The following DNAH17 variants were observed in gnomAD, a reference collection of about 807,000 sequenced individuals.
DNAH17 encodes axonemal beta dynein heavy chain 17.
A neutral mutation model predicts 485.6 loss-of-function variants in DNAH17; 376 were observed. That is an observed-to-expected ratio of 0.77 (90% confidence interval 0.71 to 0.84). The LOEUF (loss-of-function observed/expected upper bound fraction) is 0.84. Among genes scored for constraint, DNAH17 ranks in the 40% least tolerant of loss-of-function variants. DNAH17 has a pLI of 0.00. For missense variants in DNAH17, 6,370 were observed against 5,839.3 expected, an observed-to-expected ratio of 1.09 and a Z score of -2.96; for synonymous variants, 3,031 against 2,405.9, an observed-to-expected ratio of 1.26 and a Z score of -7.60.
chr17:78,462,715 C>T (rs904308425), intron 57 of DNAH17, 129 bp downstream of exon 57: 28 of 820,716 alleles, frequency 3.4e-5, no homozygotes, highest in African/African-American at 5.2e-5. Flanking sequence ...AGGCAGGAAG[C>T]GTGCTCATCT....
In DNAH17 at chr17:78,540,092, T is replaced by C. The variant is rs73385390; in HGVS notation, c.2533-212A>G. Among the ~76,000 whole-genome samples the C allele has an allele frequency of 5.3e-3, 804 of 152,218 alleles. 12 individuals are homozygous for C. Among genetic ancestry groups the C allele is most frequent in the African/African-American group, 0.018 (753 of 41,540 alleles). On this transcript the variant is annotated intron_variant, in intron 17 of 80. Coordinates refer to ENST00000389840, the MANE Select transcript of DNAH17 (RefSeq NM_173628.4). ...CTTGCTGGGTCTGGCTTCCAATCTT[T>C]TTGATTTCAGCTCAAATGTCCCTTC...
intron 55 of DNAH17, 81 bp from the exon 56 acceptor site, chr17:78,466,897 C>T (rs2088494342): frequency 2.5e-5 from 35 of 1,407,852 alleles, no homozygotes; most frequent in Non-Finnish European, 2.7e-5. Flanking sequence ...GAAAGCTCTG[C>T]CAGAAAGCAA....
Position 78,566,654 on chromosome 17 carries a change from T to C in DNAH17, c.1529A>G (p.Gln510Arg), listed in dbSNP as rs577938013. Residue 510 changes from glutamine (Q) to arginine (R), a missense_variant, in exon 11 of 81, where the codon CAA becomes CGA. Gln to Arg is a conservative substitution (Grantham distance 43). Coordinates refer to ENST00000389840, the MANE Select transcript of DNAH17 (RefSeq NM_173628.4). The stretch of plus-strand genomic sequence containing the variant: ...GATACAGCTGCAGTCATCAAATCCT[T>C]GGCAAAAGATCGTGGCCAGCCTCCT... ...LDRRLATIFC[Q>R]GFDDCSCIKS... The C allele has an allele frequency of 5.9e-5, 95 of 1,611,008 alleles. No homozygotes were observed. The highest frequency in any genetic ancestry group is 7.6e-5 in the Non-Finnish European group (89 of 1,178,684).
At position 78,471,430 on chromosome 17, in the gene DNAH17, T is replaced by C. The variant is rs117296021; in HGVS notation, c.8512-2547A>G. ...GTAGTGTGAGAGCCAGCAATGACCT[T>C]GAGTCAAAGACGAATCACTCTTCTC... On this transcript the variant is annotated intron_variant, in intron 54 of 80. Coordinates refer to ENST00000389840, the MANE Select transcript of DNAH17 (RefSeq NM_173628.4). Among the ~76,000 whole-genome samples the C allele has an allele frequency of 7.6e-4, 116 of 152,338 alleles. 1 individual carries two copies. In the East Asian group the frequency reaches 0.02, roughly 27 times the overall value.
intron 35 of DNAH17, 22 bp from the exon 36 acceptor site, chr17:78,500,483 C>A: frequency 6.5e-7 from 1 of 1,544,132 alleles, no homozygotes; most frequent in East Asian, 2.3e-5. Flanking sequence ...CACAGGTAAG[C>A]GTGTGTGCCA....
In DNAH17 at chr17:78,424,091, C is replaced by G; in HGVS notation, c.13204G>C (p.Ala4402Pro). 6.2e-7 allele frequency: 1 copy of G among 1,613,932 alleles called. No individual in the cohort carries two copies. Among genetic ancestry groups the G allele is most frequent in the Non-Finnish European group, 8.5e-7 (1 of 1,179,878 alleles). ...AEARLKELTP[A>P]MPVIFIKAIP... is the part of the protein sequence containing the mutation. ...GCCTTGATGAAGATGACAGGCATGG[C>G]CGGGGTCAGCTCTTTCAGCCGCGCT... Residue 4402 changes from alanine to proline, a missense_variant, in exon 81 of 81, where the codon GCC (alanine) becomes CCC (proline). Transcript: ENST00000389840.
In DNAH17 at chr17:78,480,897, G is replaced by C. The variant is rs954126732; in HGVS notation, c.7650-111C>G. On this transcript the variant is annotated intron_variant, in intron 48 of 80. Transcript: ENST00000389840. ...CTTATTATTATTTTTTTGAGACAGA[G>C]TCTCGCTCTGTTGCCCAGGCTGGAG... 14 of 744,478 alleles carry C rather than the reference G, an allele frequency of 1.9e-5. No individual in the cohort carries two copies. In the African/African-American group the frequency reaches 2.1e-4, roughly 11 times the overall value. 46.1% of individuals were successfully genotyped at this position (744,478 alleles called of 1,614,324 possible).
intron 71 of DNAH17, among the ~76,000 whole-genome samples, chr17:78,444,290 G>A (rs767080966): frequency 1.3e-5 from 2 of 151,982 alleles, no homozygotes; most frequent in Non-Finnish European, 2.9e-5. Context: ...ATCATGTATC[G>A]CAGGGCACCC....
rs776576706 is a variant in DNAH17, at chr17:78,468,882, A to G, written c.8513T>C (p.Ile2838Thr). The change falls in exon 55 of 81, where the codon ATT becomes ACT. Residue 2838 changes from isoleucine to threonine, a missense_variant and splice_region_variant. By Grantham distance (89) the Ile-to-Thr change is moderately conservative (BLOSUM62 -1). Coordinates refer to ENST00000389840, the MANE Select transcript of DNAH17 (RefSeq NM_173628.4). ...CTTTATGTACTGAGCAGCGAGGTCA[A>G]TCTGGACGGAGTGAGGACACGCTTA... is the stretch of plus-strand genomic sequence containing the variant. ...KKGYGIPDLKIDLAAQYIKAA... is the reference protein window; with the variant it reads ...KKGYGIPDLKTDLAAQYIKAA... 19 of 1,612,296 alleles carry G rather than the reference A, an allele frequency of 1.2e-5. No homozygotes were observed. The Admixed American group carries it at 3.0e-4, about 25-fold the overall frequency.
rs764966144 is a variant in DNAH17, at chr17:78,557,772, T to C, written c.2178+336A>G. On this transcript the variant is annotated intron_variant, in intron 14 of 80. Coordinates refer to ENST00000389840, the MANE Select transcript of DNAH17 (RefSeq NM_173628.4). ...GAATAATGAAGACTGGCTTGAACCA[T>C]GTCTAAATATTAAAATACACACTAA... 2.0e-5 allele frequency among the ~76,000 whole-genome samples: 3 copies of C among 150,986 alleles called. No individual in the cohort carries two copies. The South Asian group carries it at 6.4e-4, about 32-fold the overall frequency.
chr17:78,439,991 T>C (rs1598451240), intron 72 of DNAH17, among the ~76,000 whole-genome samples: 1 of 151,560 alleles, frequency 6.6e-6, no homozygotes. Context: ...TGAGACAGGG[T>C]CTCAACTCTG....
At chr17:78,472,077 C>T (rs1331141104) in intron 54 of DNAH17, among the ~76,000 whole-genome samples, 2 of 152,314 alleles carry the variant, frequency 1.3e-5, no homozygotes, top group East Asian at 1.9e-4. Flanking sequence ...TATCTAGGCC[C>T]GTCTAGGGAC....
At chr17:78,536,320 T>G (rs540586141) in intron 19 of DNAH17, among the ~76,000 whole-genome samples, 39 of 152,116 alleles carry the variant, frequency 2.6e-4, no homozygotes, top group Admixed American at 7.2e-4. Context: ...CATGGTGGCA[T>G]GCACCTGTAG....
rs1466943320 is a variant in DNAH17, at chr17:78,552,736, A to T, written c.2248T>A (p.Leu750Ile). Residue 750 changes from leucine to isoleucine, a missense_variant, in exon 15 of 81, where the codon TTA (leucine) becomes ATA (isoleucine). Coordinates refer to ENST00000389840, the MANE Select transcript of DNAH17 (RefSeq NM_173628.4). ...AATAATGTCGTTTCAGCGCTCAATA[A>T]CTTGACATCAATTGCTTCCAGTTCT... ...KSELEAIDVK[L>I]LSAETTLFWN... The T allele has an allele frequency of 3.1e-6, 5 of 1,613,734 alleles. No homozygotes were observed. Among genetic ancestry groups the T allele is most frequent in the Non-Finnish European group, 4.2e-6 (5 of 1,179,814 alleles).
chr17:78,451,356 G>A lies in DNAH17; in HGVS notation c.10734+113C>T, dbSNP rs1392571620. ...GGACACACTGAGGCACCTTCAGAGAGAAGCAACGACACACACTGGACTGGC... is the reference window on the plus strand; with the variant it reads ...GGACACACTGAGGCACCTTCAGAGAAAAGCAACGACACACACTGGACTGGC... On this transcript the variant is annotated intron_variant, in intron 66 of 80. Transcript: ENST00000389840. 27 of 974,502 alleles carry A rather than the reference G, an allele frequency of 2.8e-5. No homozygotes were observed. In the South Asian group the frequency reaches 3.3e-4, roughly 12 times the overall value. 60.4% of individuals were successfully genotyped at this position (974,502 alleles called of 1,614,324 possible).
At chr17:78,428,448 G>A (rs1441606378) in intron 77 of DNAH17, 77 bp downstream of exon 77, 15 of 1,515,278 alleles carry the variant, frequency 9.9e-6, no homozygotes, top group East Asian at 9.8e-5. Context: ...CTGTACTGCC[G>A]CCAGTCCCTG....
chr17:78,471,478 T>C (rs549720802), intron 54 of DNAH17, among the ~76,000 whole-genome samples: 5 of 152,310 alleles, frequency 3.3e-5, no homozygotes, highest in Admixed American at 3.3e-4. Context: ...AGCAAGGACA[T>C]TGGGTGGAGA....
chr17:78,456,682 T>C (rs1568077605), intron 62 of DNAH17, among the ~76,000 whole-genome samples: 3 of 152,230 alleles, frequency 2.0e-5, no homozygotes, highest in Non-Finnish European at 2.9e-5. Flanking sequence ...GGCATGTTTG[T>C]TGCAAGTCCA....
Position 78,428,569 on chromosome 17 carries a change from CT to C in DNAH17, c.12543del (p.Glu4182ArgfsTer16), listed in dbSNP as rs1304268713. On this transcript the variant is annotated frameshift_variant, in exon 77 of 81. Coordinates refer to ENST00000389840, the MANE Select transcript of DNAH17 (RefSeq NM_173628.4). LOFTEE classifies it high-confidence loss of function. ...LFRTVLEMQP[K>X]ETDSGAGTGV... Reference sequence around the variant, plus strand: ...CCCGTGCCTGCCCCCGAGTCCGTCTCTTTTGGCTGCATTTCCAGGACAGTGC... The same window carrying C: ...CCCGTGCCTGCCCCCGAGTCCGTCTCTTTGGCTGCATTTCCAGGACAGTGC... 1 of 1,613,912 alleles carries C rather than the reference CT, an allele frequency of 6.2e-7. No individual in the cohort carries two copies. Among genetic ancestry groups the C allele is most frequent in the Non-Finnish European group, 8.5e-7 (1 of 1,179,850 alleles).
Sources: gnomAD v4.1 joint callset for allele counts (sites outside exome capture counted in the v4.1 genomes callset) on GRCh38, gnomAD v4.1.1 for gene constraint, MANE v1.5 for transcripts, NCBI Gene and HGNC (gene_info 2026-07-23, HGNC 2026-07-21) for gene names.